Variants in SPDYA observed in about 807,000 individuals in gnomAD.
SPDYA encodes the protein speedy protein A.
Under a neutral mutation model 36.7 loss-of-function variants are expected in SPDYA, and 11 were observed. That is an observed-to-expected ratio of 0.30 (90% confidence interval 0.19 to 0.50). The LOEUF (loss-of-function observed/expected upper bound fraction) is 0.50. SPDYA is among the 20% of genes least tolerant of loss of function. The probability of loss-of-function intolerance (pLI) is 0.98; values close to 1 mark genes in which losing one functional copy is unlikely to be tolerated. For synonymous variants in SPDYA, 115 were observed against 118.7 expected, an observed-to-expected ratio of 0.97 and a Z score of 0.20; for missense variants, 287 against 370.9, an observed-to-expected ratio of 0.77 and a Z score of 1.86.
At chr2:28,834,826 G>C (rs867583031) in intron 6 of SPDYA, among the ~76,000 whole-genome samples, 2 of 152,280 alleles carry the variant, frequency 1.3e-5, no homozygotes, top group Middle Eastern at 3.4e-3. Context: ...TCATTGAATT[G>C]TACATTTCAA....
In SPDYA at chr2:28,849,902, A is replaced by G; in HGVS notation, c.903A>G (p.Lys301=). 1 of 1,595,258 alleles carries G rather than the reference A, an allele frequency of 6.3e-7. No homozygotes were observed. The highest frequency in any genetic ancestry group is 8.5e-7 in the Non-Finnish European group (1 of 1,175,012). Residue 301 remains lysine (K), a synonymous_variant, in exon 8 of 8, where the codon AAA becomes AAG. Coordinates refer to ENST00000334056, the MANE Select transcript of SPDYA (RefSeq NM_182756.4). ...NKGKKTNFLK[K]DKSMEWFTGS... ...GAAAGAAAACTAATTTCTTGAAGAA[A>G]GACAAATCTATGGAGTGGTTTACAG...
chr2:28,823,746 A>ATATAT (rs1558324099), intron 5 of SPDYA, among the ~76,000 whole-genome samples: 27 of 30,682 alleles, frequency 8.8e-4, no homozygotes, highest in South Asian at 2.6e-3. Flanking sequence ...TATATATATA[A>ATATAT]AATTTTTTTT....
intron 4 of SPDYA, 69 bp downstream of exon 4, chr2:28,819,175 G>C: frequency 8.7e-7 from 1 of 1,144,616 alleles, no homozygotes; most frequent in East Asian, 2.5e-5. Context: ...GCTTTAATGA[G>C]ACCTTATAAG....
At chr2:28,825,903 AATTTTTT>A (rs1330857278) in intron 5 of SPDYA, among the ~76,000 whole-genome samples, 4 of 151,776 alleles carry the variant, frequency 2.6e-5, no homozygotes, top group South Asian at 4.2e-4. Flanking sequence ...ACACCCGGCT[AATTTTTT>A]ATTTTTTATT....
intron 4 of SPDYA, among the ~76,000 whole-genome samples, chr2:28,819,840 AAAAAAAAAAATATATATATATATATAT>A (rs1668093658): frequency 5.7e-5 from 3 of 52,308 alleles, no homozygotes; most frequent in African/African-American, 2.6e-4. Flanking sequence ...AAAAAAAAAA[AAAAAAAAAAATATATATATATATATAT>A]ATATATATAT....
intron 6 of SPDYA, among the ~76,000 whole-genome samples, chr2:28,834,436 A>C (rs944887479): frequency 6.6e-6 from 1 of 152,252 alleles, no homozygotes; most frequent in African/African-American, 2.4e-5. Flanking sequence ...TGTTCATAGC[A>C]GTATTCATAA....
chr2:28,830,894 A>G (rs1331209598), intron 6 of SPDYA, among the ~76,000 whole-genome samples: 1 of 152,216 alleles, frequency 6.6e-6, no homozygotes, highest in Non-Finnish European at 1.5e-5. Context: ...AGAAAATTAA[A>G]TGGAAAGCAG....
intron 7 of SPDYA, among the ~76,000 whole-genome samples, chr2:28,843,641 C>T (rs1668803258): frequency 1.3e-5 from 2 of 150,910 alleles, no homozygotes; most frequent in Admixed American, 1.3e-4. Context: ...TTATATACAT[C>T]ACAATCACCA....
chr2:28,835,778 C>A (rs1668582060), intron 6 of SPDYA, among the ~76,000 whole-genome samples: 1 of 152,186 alleles, frequency 6.6e-6, no homozygotes, highest in South Asian at 2.1e-4. Context: ...ACATTTGAAT[C>A]CTGTAGGCGT....
intron 6 of SPDYA, among the ~76,000 whole-genome samples, chr2:28,834,574 G>A (rs67410623): frequency 0.39 from 59,024 of 152,074 alleles, 12,693 homozygotes; most frequent in East Asian, 0.77. Flanking sequence ...AAGCTACAAC[G>A]CAGATAACCT....
chr2:28,846,711 T>G (rs1457261490), intron 7 of SPDYA, among the ~76,000 whole-genome samples: 7 of 106,788 alleles, frequency 6.6e-5, no homozygotes, highest in African/African-American at 1.9e-4. Flanking sequence ...AGAAGAGAAA[T>G]AGAAGAAAAC....
chr2:28,818,606 G>A (rs982248545), intron 3 of SPDYA, among the ~76,000 whole-genome samples: 5 of 151,984 alleles, frequency 3.3e-5, no homozygotes, highest in Non-Finnish European at 5.9e-5. Flanking sequence ...TTTTAACAAT[G>A]TGTTTGTTTG....
intron 2 of SPDYA, 90 bp from the exon 3 acceptor site, chr2:28,815,907 A>G (rs1667971760): frequency 1.3e-6 from 1 of 783,830 alleles, no homozygotes. Flanking sequence ...GTAACATTTT[A>G]TATGACTGCA....
intron 7 of SPDYA, among the ~76,000 whole-genome samples, chr2:28,846,722 T>C (rs1369881429): frequency 2.4e-5 from 3 of 126,476 alleles, no homozygotes; most frequent in Non-Finnish European, 3.2e-5. Context: ...AGAAGAAAAC[T>C]ACACACACAC....
At chr2:28,838,158 C>T (rs1202361576) in intron 6 of SPDYA, among the ~76,000 whole-genome samples, 1 of 149,114 alleles carries the variant, frequency 6.7e-6, no homozygotes, top group Non-Finnish European at 1.5e-5. Context: ...GTAATTTGCC[C>T]AAGGTCATAG....
Position 28,817,997 on chromosome 2 carries a change from A to G in SPDYA, c.236-1051A>G, listed in dbSNP as rs114202871. On this transcript the variant is annotated intron_variant, in intron 3 of 7. Transcript: ENST00000334056. ...GGCAACGTGGTGAAACCCCCTCTCT[A>G]CAATACAAAAAAAAAAAAATTTATC... Among the ~76,000 whole-genome samples, 1,055 of 124,136 alleles carry G rather than the reference A, an allele frequency of 8.5e-3. 9 individuals carry two copies. The highest frequency in any genetic ancestry group is 0.029 in the African/African-American group (1,002 of 34,970). The allele number at this position is 124,136 out of a possible 152,430, so 81.4% of individuals were successfully genotyped here.
At chr2:28,849,767 TAA>T (rs2148113661) in intron 7 of SPDYA, 81 bp from the exon 8 acceptor site, 1 of 715,334 alleles carries the variant, frequency 1.4e-6, no homozygotes, top group East Asian at 3.1e-5. Flanking sequence ...TATTATTTTT[TAA>T]GACATATACA....
chr2:28,839,069 G>A (rs923044774), intron 6 of SPDYA, among the ~76,000 whole-genome samples: 1 of 152,168 alleles, frequency 6.6e-6, no homozygotes, highest in Non-Finnish European at 1.5e-5. Context: ...ATTGTCATTT[G>A]CCAGATCCTC....
chr2:28,840,588 A>G (rs1394236253), intron 7 of SPDYA, 119 bp downstream of exon 7: 1 of 1,432,090 alleles, frequency 7.0e-7, no homozygotes, highest in African/African-American at 1.5e-5. Flanking sequence ...AGTTAAATTA[A>G]TCTTGAAACT....
Sources: gnomAD v4.1 joint callset for allele counts (sites outside exome capture counted in the v4.1 genomes callset) on GRCh38, gnomAD v4.1.1 for gene constraint, MANE v1.5 for transcripts, NCBI Gene and HGNC (gene_info 2026-07-23, HGNC 2026-07-21) for gene names.